The following F12 variants were observed in gnomAD, a reference collection of about 807,000 sequenced individuals.
F12 encodes Hageman factor.
Under a neutral mutation model 74.8 loss-of-function variants are expected in F12, and 70 were observed. That is an observed-to-expected ratio of 0.94 (90% CI 0.77 to 1.14). The LOEUF (loss-of-function observed/expected upper bound fraction) is 1.14, where lower values mean the gene tolerates loss of function less well. F12 is among the 50% of genes most tolerant of loss of function. The probability of loss-of-function intolerance (pLI) is 0.00; values close to 1 mark genes in which losing one functional copy is unlikely to be tolerated. For missense variants in F12, 811 were observed against 835.7 expected, an observed-to-expected ratio of 0.97 and a Z score of 0.36; for synonymous variants, 373 against 356.4, an observed-to-expected ratio of 1.05 and a Z score of -0.52.
At chr5:177,402,900 G>C in intron 12 of F12, 1 of 766,094 alleles carries the variant, frequency 1.3e-6, no homozygotes, top group Admixed American at 2.6e-5. Context: ...TGAATGGGCG[G>C]AGCGGAAACA....
Position 177,405,441 on chromosome 5 carries a change from A to G in F12, c.287-8T>C, listed in dbSNP as rs767297726. On this transcript the variant is annotated splice_polypyrimidine_tract_variant and splice_region_variant and intron_variant, in intron 4 of 13. Transcript: ENST00000253496. ...TGTGTTTGCTGCAGTGGTCTGAGAG[A>G]TGGACATGGTGGAAGGAAGAGCAGG... 2.0e-5 allele frequency: 32 copies of G among 1,611,344 alleles called. No individual in the cohort carries two copies. Among genetic ancestry groups the G allele is most frequent in the Middle Eastern group, 3.3e-4 (2 of 6,074 alleles).
At chr5:177,402,719 C>T in intron 12 of F12, 21 bp from the exon 13 acceptor site, 1 of 1,610,626 alleles carries the variant, frequency 6.2e-7, no homozygotes, top group Non-Finnish European at 8.5e-7. Flanking sequence ...AGAGCGCCTT[C>T]TTCACACCCC....
At chr5:177,403,821 G>A in intron 10 of F12, 38 bp downstream of exon 10, 1 of 1,477,174 alleles carries the variant, frequency 6.8e-7, no homozygotes, top group Non-Finnish European at 9.0e-7. Flanking sequence ...CGGAGGAGCC[G>A]CGGCCCCTGG....
At chr5:177,407,700 G>A (rs17876015) in intron 2 of F12, among the ~76,000 whole-genome samples, 1,845 of 151,948 alleles carry the variant, frequency 0.012, 26 homozygotes, top group African/African-American at 0.036. Flanking sequence ...GCAGAGAATC[G>A]CTTGAACCCA....
At position 177,407,577 on chromosome 5, in the gene F12, G is replaced by A. The variant is rs1430466510; in HGVS notation, c.115+1469C>T. 2.0e-5 allele frequency among the ~76,000 whole-genome samples: 3 copies of A among 152,282 alleles called. No homozygotes were observed. In the East Asian group the frequency reaches 5.8e-4, roughly 29 times the overall value. On this transcript the variant is annotated intron_variant, in intron 2 of 13. Transcript: ENST00000253496. ...AGGTGGGCGGACCACCTGAGGGCAGGAGTTCGAGACCAGCCTGGCCAACAT... is the reference window on the plus strand; with the variant it reads ...AGGTGGGCGGACCACCTGAGGGCAGAAGTTCGAGACCAGCCTGGCCAACAT...
chr5:177,408,092 G>A (rs544184435), intron 2 of F12, among the ~76,000 whole-genome samples: 1 of 149,678 alleles, frequency 6.7e-6, no homozygotes, highest in East Asian at 2.0e-4. Context: ...GTCTTGCTGT[G>A]TTGCCCAAGC....
chr5:177,402,188 G>A lies in F12; in HGVS notation c.*104C>T. The A allele has an allele frequency of 9.0e-6, 13 of 1,437,014 alleles. No individual in the cohort carries two copies. The highest frequency in any genetic ancestry group is 1.2e-5 in the Non-Finnish European group (13 of 1,043,248). The allele number at this position is 1,437,014 out of a possible 1,614,324, so 89.0% of individuals were successfully genotyped here. A position where few individuals can be genotyped will look rare whatever the true frequency, so the allele number is the denominator to read the frequency against. On this transcript the variant is annotated 3_prime_UTR_variant, in exon 14 of 14. Coordinates refer to ENST00000253496, the MANE Select transcript of F12 (RefSeq NM_000505.4). ...TTGAGTTCCTGCGCCATCCTGGCGCGGAGCTGGCCGCACTGGGGGAATGGG... is the reference window on the plus strand; with the variant it reads ...TTGAGTTCCTGCGCCATCCTGGCGCAGAGCTGGCCGCACTGGGGGAATGGG...
rs1561641721 is a variant in F12 at position 177,405,051 on chromosome 5, C to T, written c.529+3G>A. ...CCTGGCCCGTTCCCAACCATCTGCT[C>T]ACCCTGGCTGGCCAGCCGCTGGCAG... On this transcript the variant is annotated splice_donor_region_variant and intron_variant, in intron 6 of 13. Transcript: ENST00000253496. 1.2e-6 allele frequency: 2 copies of T among 1,611,778 alleles called. No homozygotes were observed. The highest frequency in any genetic ancestry group is 2.7e-5 in the African/African-American group (2 of 74,930).
At position 177,403,488 on chromosome 5, in the gene F12, G is replaced by T. The variant is rs769802574; in HGVS notation, c.1380C>A (p.His460Gln). Residue 460 changes from histidine to glutamine, a missense_variant, in exon 11 of 14, where the codon CAC becomes CAA. Physicochemically the swap from His to Gln is conservative, Grantham distance 24 (BLOSUM62 0). Coordinates refer to ENST00000253496, the MANE Select transcript of F12 (RefSeq NM_000505.4). ...CGGGGCGCCCCCACGCACCCAGGTC[G>T]TGCTGGTAGCTGACGGGCGAGAAGG... ...HEAFSPVSYQHDLALLRLQED... is the reference protein window; with the variant it reads ...HEAFSPVSYQQDLALLRLQED... The T allele has an allele frequency of 2.6e-6, 4 of 1,564,040 alleles. No individual in the cohort carries two copies. Among genetic ancestry groups the T allele is most frequent in the African/African-American group, 1.4e-5 (1 of 73,992 alleles).
Position 177,403,248 on chromosome 5 carries a change from G to GCCTA in F12, c.1531+2_1531+5dup, listed in dbSNP as rs1763185612. On this transcript the variant is annotated splice_donor_region_variant and intron_variant, in intron 12 of 13. Transcript: ENST00000253496. ...CCCTACCCCTGCCCCTAGCAGTTGT[G>GCCTA]CCTACCCTCGAACTGGTGGCCCCAG... 6.2e-7 allele frequency: 1 copy of GCCTA among 1,600,348 alleles called. No individual in the cohort carries two copies. Among genetic ancestry groups the GCCTA allele is most frequent in the Non-Finnish European group, 8.5e-7 (1 of 1,179,830 alleles).
At position 177,409,458 on chromosome 5, in the gene F12, C is replaced by T; in HGVS notation, c.57+13G>A. The T allele has an allele frequency of 6.2e-7, 1 of 1,613,926 alleles. No homozygotes were observed. Among genetic ancestry groups the T allele is most frequent in the South Asian group, 1.1e-5 (1 of 91,064 alleles). On this transcript the variant is annotated intron_variant, in intron 1 of 13. Coordinates refer to ENST00000253496, the MANE Select transcript of F12 (RefSeq NM_000505.4). ...AACAATCCTGGGACAATCCTGGTTC[C>T]CACAGCACTCACCGAAAGTGTTGAC...
rs556795861 is a variant in F12, at chr5:177,404,262, C to T, written c.952G>A (p.Ala318Thr). 3 of 1,595,310 alleles carry T rather than the reference C, an allele frequency of 1.9e-6. No individual in the cohort carries two copies. Among genetic ancestry groups the T allele is most frequent in the African/African-American group, 1.3e-5 (1 of 74,584 alleles). Residue 318 changes from alanine to threonine, a missense_variant, in exon 9 of 14, where the codon GCG (alanine) becomes ACG (threonine). Coordinates refer to ENST00000253496, the MANE Select transcript of F12 (RefSeq NM_000505.4). ...SPRLHVPLMP[A>T]QPAPPKPQPT... is the part of the protein sequence containing the mutation. ...TGAGGCTTCGGCGGTGCCGGCTGCG[C>T]GGGCATGAGTGGGACATGAAGCCTA...
At chr5:177,403,812 G>A (rs1361463222) in intron 10 of F12, 47 bp downstream of exon 10, 2 of 1,469,590 alleles carry the variant, frequency 1.4e-6, no homozygotes, top group Admixed American at 2.3e-5. Context: ...GCTGGGAGAC[G>A]GAGGAGCCGC....
In F12 at chr5:177,402,458, C is replaced by T; in HGVS notation, c.1682G>A (p.Gly561Asp). ...FLEGGTDACQGDSGGPLVCED... is the reference protein window; with the variant it reads ...FLEGGTDACQDDSGGPLVCED... ...ACACACCAGCGGGCCTCCGGAATCA[C>T]CCTGGGTCGGAAACACGCAGCTCAG... Residue 561 changes from glycine to aspartate, a missense_variant and splice_region_variant, in exon 14 of 14, where the codon GGT becomes GAT. Transcript: ENST00000253496. 2 of 1,605,234 alleles carry T rather than the reference C, an allele frequency of 1.2e-6. No individual in the cohort carries two copies. The highest frequency in any genetic ancestry group is 1.7e-6 in the Non-Finnish European group (2 of 1,176,218).
In F12 at chr5:177,403,875, G is replaced by A. The variant is rs1316388419; in HGVS notation, c.1234C>T (p.His412Tyr). Residue 412 changes from histidine (H) to tyrosine (Y), a missense_variant, in exon 10 of 14, where the codon CAC becomes TAC. By Grantham distance (83) the His-to-Tyr change is moderately conservative (BLOSUM62 2). Coordinates refer to ENST00000253496, the MANE Select transcript of F12 (RefSeq NM_000505.4). ...GGTACTCGCCGGTCCTGCAGGCAGT[G>A]AGCGGCCGTCAGCACCCAGCAGGGG... ...IAPCWVLTAA[H>Y]CLQDRPAPED... 1 of 1,556,188 alleles carries A rather than the reference G, an allele frequency of 6.4e-7. No individual in the cohort carries two copies.
In F12 at chr5:177,404,055, T is replaced by G; in HGVS notation, c.1054A>C (p.Thr352Pro). The G allele has an allele frequency of 6.2e-7, 1 of 1,602,726 alleles. No homozygotes were observed. Among genetic ancestry groups the G allele is most frequent in the Non-Finnish European group, 8.5e-7 (1 of 1,179,572 alleles). The change falls in exon 10 of 14, where the codon ACC (threonine) becomes CCC (proline). Residue 352 changes from threonine to proline, a missense_variant. Thr to Pro is a conservative substitution (Grantham distance 38). Coordinates refer to ENST00000253496, the MANE Select transcript of F12 (RefSeq NM_000505.4). ...PAKREQPPSLTRNGPLSCGQR... is the reference protein window; with the variant it reads ...PAKREQPPSLPRNGPLSCGQR... ...CCGCAGCTCAGTGGGCCGTTCCTGG[T>G]CAGGGAAGGCGGCTGCTCCCGCTTC...
intron 7 of F12, 27 bp downstream of exon 7, chr5:177,404,783 T>C (rs774017714): frequency 1.4e-5 from 22 of 1,589,372 alleles, no homozygotes; most frequent in Non-Finnish European, 1.8e-5. Flanking sequence ...GGGGCTGGCC[T>C]TCTGCTTGCC....
chr5:177,403,151 T>G, intron 12 of F12, 103 bp downstream of exon 12: 1 of 1,507,536 alleles, frequency 6.6e-7, no homozygotes, highest in Non-Finnish European at 9.1e-7. Context: ...GCGCCACCCA[T>G]TCTGTAGGCA....
At position 177,403,241 on chromosome 5, in the gene F12, C is replaced by G; in HGVS notation, c.1531+13G>C. 6.2e-7 allele frequency: 1 copy of G among 1,600,462 alleles called. No individual in the cohort carries two copies. Among genetic ancestry groups the G allele is most frequent in the Non-Finnish European group, 8.5e-7 (1 of 1,179,822 alleles). On this transcript the variant is annotated intron_variant, in intron 12 of 13. Coordinates refer to ENST00000253496, the MANE Select transcript of F12 (RefSeq NM_000505.4). ...TCTCCTCCCCTACCCCTGCCCCTAG[C>G]AGTTGTGCCTACCCTCGAACTGGTG...
Sources: gnomAD v4.1 joint callset for allele counts (sites outside exome capture counted in the v4.1 genomes callset) on GRCh38, gnomAD v4.1.1 for gene constraint, MANE v1.5 for transcripts, NCBI Gene and HGNC (gene_info 2026-07-23, HGNC 2026-07-21) for gene names.